Variants in EYA2 observed in about 807,000 individuals in gnomAD.
EYA2 encodes the protein EYA transcriptional coactivator and phosphatase 2, also known as protein phosphatase EYA2.
EYA2 carries 31 observed loss-of-function variants against 69.2 expected under a neutral mutation model. The observed-to-expected ratio is 0.45, with a 90% CI of 0.34 to 0.60. The LOEUF (loss-of-function observed/expected upper bound fraction) is 0.60. Among genes scored for constraint, EYA2 ranks in the 20% least tolerant of loss-of-function variants. The probability of loss-of-function intolerance (pLI) is 0.02; values close to 1 mark genes in which losing one functional copy is unlikely to be tolerated. For synonymous variants in EYA2, 257 were observed against 279.4 expected (o/e 0.92, Z 0.80); for missense variants, 622 against 701.2 (o/e 0.89, Z 1.28).
intron 1 of EYA2, among the ~76,000 whole-genome samples, chr20:46,948,572 A>G (rs928237556): frequency 6.6e-6 from 1 of 152,232 alleles, no homozygotes; most frequent in Non-Finnish European, 1.5e-5. Flanking sequence ...GTACAGGGTT[A>G]GTGCTGAGTA....
intron 1 of EYA2, among the ~76,000 whole-genome samples, chr20:46,920,129 A>G (rs567066684): frequency 7.9e-5 from 12 of 152,336 alleles, no homozygotes; most frequent in African/African-American, 2.9e-4. Context: ...TAGCAATGAA[A>G]AAACTTTGAA....
At chr20:46,950,749 G>A (rs1978745940) in intron 1 of EYA2, among the ~76,000 whole-genome samples, 1 of 152,220 alleles carries the variant, frequency 6.6e-6, no homozygotes, top group South Asian at 2.1e-4. Flanking sequence ...CTAGCTTTAT[G>A]TGTGTTGAGA....
intron 9 of EYA2, among the ~76,000 whole-genome samples, chr20:47,120,220 AAAT>A (rs1178529168): frequency 6.6e-6 from 1 of 151,682 alleles, no homozygotes; most frequent in African/African-American, 2.4e-5. Context: ...AAAAAAAATT[AAAT>A]AAAATAGCCA....
intron 5 of EYA2, among the ~76,000 whole-genome samples, chr20:47,053,230 A>ATC (rs1183710166): frequency 1.3e-5 from 2 of 151,896 alleles, no homozygotes; most frequent in Non-Finnish European, 2.9e-5. Flanking sequence ...GGCCACCCAG[A>ATC]TCTCTCTCTC....
chr20:46,950,284 G>T (rs1212007), intron 1 of EYA2, among the ~76,000 whole-genome samples: 1 of 151,970 alleles, frequency 6.6e-6, no homozygotes, highest in African/African-American at 2.4e-5. Flanking sequence ...ACCTTGCAGC[G>T]ATGTTCCCCT....
intron 5 of EYA2, among the ~76,000 whole-genome samples, 161 bp downstream of exon 5, chr20:47,016,458 C>G (rs183524079): frequency 1.3e-5 from 2 of 152,150 alleles, no homozygotes; most frequent in Non-Finnish European, 2.9e-5. Context: ...CTTTCATGGT[C>G]GTTACCTGGC....
intron 14 of EYA2, among the ~76,000 whole-genome samples, chr20:47,182,628 T>TCAAAAAAAAAAA (rs779945744): frequency 0.011 from 902 of 84,276 alleles, 260 homozygotes; most frequent in African/African-American, 0.046. Flanking sequence ...AGACTCCGTC[T>TCAAAAAAAAAAA]AAAAAAAAAA....
At position 46,947,955 on chromosome 20, in the gene EYA2, A is replaced by G. The variant is rs546220357; in HGVS notation, c.-10-42046A>G. ...AACATAGTGAGACCTCATGTCTACA[A>G]AAAGTTTTAAAACTAGCCTTGCATG... On this transcript the variant is annotated intron_variant, in intron 1 of 15. Transcript: ENST00000327619. Among the ~76,000 whole-genome samples, 66 of 152,156 alleles carry G rather than the reference A, an allele frequency of 4.3e-4. No homozygotes were observed. The South Asian group carries it at 0.013, about 29-fold the overall frequency.
intron 1 of EYA2, among the ~76,000 whole-genome samples, chr20:46,907,313 A>G (rs1197361291): frequency 6.6e-6 from 1 of 152,256 alleles, no homozygotes; most frequent in African/African-American, 2.4e-5. Flanking sequence ...ACTGAGCCAA[A>G]GAGACCGGCT....
intron 2 of EYA2, among the ~76,000 whole-genome samples, chr20:47,000,531 A>G (rs1425865821): frequency 6.6e-6 from 1 of 152,174 alleles, no homozygotes; most frequent in Non-Finnish European, 1.5e-5. Context: ...ATCAGTAGAC[A>G]CATTATCTAG....
At chr20:46,981,791 T>A (rs1980849562) in intron 1 of EYA2, among the ~76,000 whole-genome samples, 1 of 152,200 alleles carries the variant, frequency 6.6e-6, no homozygotes, top group Admixed American at 6.5e-5. Flanking sequence ...AATCTTGGTA[T>A]GTCTTTATAT....
At position 46,972,484 on chromosome 20, in the gene EYA2, A is replaced by G. The variant is rs370796426; in HGVS notation, c.-10-17517A>G. The stretch of plus-strand genomic sequence containing the variant: ...GCACCTTGTTCCGGCTCTGCCTGTC[A>G]TTAGCTGTGGGACCTGAGGAAACTT... On this transcript the variant is annotated intron_variant, in intron 1 of 15. Transcript: ENST00000327619. 1.4e-4 allele frequency among the ~76,000 whole-genome samples: 22 copies of G among 152,008 alleles called. No homozygotes were observed. The East Asian group carries it at 4.1e-3, about 28-fold the overall frequency.
Position 47,058,524 on chromosome 20 carries a change from G to A in EYA2, c.416-13661G>A, listed in dbSNP as rs571017238. Among the ~76,000 whole-genome samples, 24 of 152,294 alleles carry A rather than the reference G, an allele frequency of 1.6e-4. No individual in the cohort carries two copies. In the East Asian group the frequency reaches 4.4e-3, roughly 28 times the overall value. On this transcript the variant is annotated intron_variant, in intron 5 of 15. Transcript: ENST00000327619. ...AGAGGCCATACTGGTGCTGACCCTG[G>A]GGGAGTCAGTAGGAGAGATGTGAAG... is the stretch of plus-strand genomic sequence containing the variant.
At chr20:46,905,982 A>G (rs760661762) in intron 1 of EYA2, among the ~76,000 whole-genome samples, 30 of 152,162 alleles carry the variant, frequency 2.0e-4, no homozygotes, top group South Asian at 4.1e-4. Flanking sequence ...ATTCTGGAAG[A>G]ATCTGTTAGT....
chr20:47,158,755 T>TA (rs766382044), intron 10 of EYA2, among the ~76,000 whole-genome samples: 24 of 151,894 alleles, frequency 1.6e-4, no homozygotes, highest in Non-Finnish European at 1.9e-4. Flanking sequence ...CCCAAAGTGA[T>TA]ACGTTATGCC....
intron 4 of EYA2, among the ~76,000 whole-genome samples, chr20:47,007,213 G>A (rs1282457380): frequency 2.0e-5 from 3 of 152,228 alleles, no homozygotes; most frequent in Non-Finnish European, 4.4e-5. Flanking sequence ...CTACAAGCGG[G>A]AGCCACTGTA....
intron 11 of EYA2, among the ~76,000 whole-genome samples, chr20:47,171,798 G>T (rs1016606067): frequency 6.6e-6 from 1 of 152,010 alleles, no homozygotes; most frequent in African/African-American, 2.4e-5. Flanking sequence ...ACTTTTTCAA[G>T]AATAAATCTA....
intron 10 of EYA2, among the ~76,000 whole-genome samples, chr20:47,158,295 T>A (rs533053978): frequency 6.6e-6 from 1 of 152,016 alleles, no homozygotes; most frequent in East Asian, 2.0e-4. Flanking sequence ...TGGGTGGGAT[T>A]ACCTGAGGTC....
chr20:46,908,223 T>A (rs1256934954), intron 1 of EYA2, among the ~76,000 whole-genome samples: 1 of 152,138 alleles, frequency 6.6e-6, no homozygotes, highest in Non-Finnish European at 1.5e-5. Flanking sequence ...GAGCCACAGT[T>A]AAGTAGGAGA....
Sources: gnomAD v4.1 joint callset for allele counts (sites outside exome capture counted in the v4.1 genomes callset) on GRCh38, gnomAD v4.1.1 for gene constraint, MANE v1.5 for transcripts, NCBI Gene and HGNC (gene_info 2026-07-23, HGNC 2026-07-21) for gene names.